MSANTD3: variants seen among roughly 807,000 people sequenced by gnomAD.
MSANTD3 encodes myb/SANT-like DNA-binding domain-containing protein 3.
A neutral mutation model predicts 27.7 loss-of-function variants in MSANTD3; 11 were observed. That is an observed-to-expected ratio of 0.40 (90% CI 0.25 to 0.66). MSANTD3 has a LOEUF of 0.66. MSANTD3 is among the 30% of genes least tolerant of loss of function. MSANTD3 has a pLI of 0.41. For synonymous variants in MSANTD3, 131 were observed against 127.2 expected (o/e 1.03, Z -0.20); for missense variants, 250 against 336.5 (o/e 0.74, Z 2.01).
chr9:100,442,342 A>G lies in MSANTD3; in HGVS notation c.404A>G (p.Asp135Gly). The G allele has an allele frequency of 1.2e-6, 2 of 1,611,824 alleles. No individual in the cohort carries two copies. Among genetic ancestry groups the G allele is most frequent in the Non-Finnish European group, 1.7e-6 (2 of 1,179,396 alleles). ...GAGGAGGAGCCCGAATACCACCCCG[A>G]CGCCTCAGCCCAAGGTATCCGTTCC... Reference protein sequence around the residue: ...PPEEEPEYHPDASAQESFAVS... With the variant: ...PPEEEPEYHPGASAQESFAVS... The change falls in exon 2 of 3, where the codon GAC (aspartate) becomes GGC (glycine). Residue 135 changes from aspartate (D) to glycine (G), a missense_variant. Physicochemically the swap from Asp to Gly is moderately conservative, Grantham distance 94 (BLOSUM62 -1). Transcript: ENST00000395067.
In MSANTD3 at chr9:100,442,424, C is replaced by A. The variant is rs544215168; in HGVS notation, c.418+68C>A. ...CTGTTTGACATTTTAATTTTAAAAC[C>A]CTCCACTTTGAGGGAACTTCTAAAA... On this transcript the variant is annotated intron_variant, in intron 2 of 2. Coordinates refer to ENST00000395067, the MANE Select transcript of MSANTD3 (RefSeq NM_080655.3). The A allele has an allele frequency of 6.6e-6, 10 of 1,513,936 alleles. No individual in the cohort carries two copies. The East Asian group carries it at 1.4e-4, about 21-fold the overall frequency. The allele number at this position is 1,513,936 out of a possible 1,614,324, so 93.8% of individuals were successfully genotyped here. A position where few individuals can be genotyped will look rare whatever the true frequency, so the allele number is the denominator to read the frequency against.
At chr9:100,433,055 G>A (rs976502116) in intron 1 of MSANTD3, among the ~76,000 whole-genome samples, 4 of 152,128 alleles carry the variant, frequency 2.6e-5, no homozygotes, top group Admixed American at 2.6e-4. Flanking sequence ...TTTTCAAATG[G>A]TACAGTCGGG....
In MSANTD3 at chr9:100,433,451, C is replaced by T. The variant is rs115076612; in HGVS notation, c.-34+6058C>T. On this transcript the variant is annotated intron_variant, in intron 1 of 2. Coordinates refer to ENST00000395067, the MANE Select transcript of MSANTD3 (RefSeq NM_080655.3). ...GTGGCATGATCATATCTCACTGCAA[C>T]CTCAACCTCCTGGGCTCAAGGGATT... 6.7e-3 allele frequency among the ~76,000 whole-genome samples: 1,017 copies of T among 152,204 alleles called. 7 individuals carry two copies. Among genetic ancestry groups the T allele is most frequent in the African/African-American group, 0.024 (985 of 41,510 alleles).
At chr9:100,444,726 A>G (rs1836711427) in intron 2 of MSANTD3, 1 of 156,148 alleles carries the variant, frequency 6.4e-6, no homozygotes, top group African/African-American at 2.4e-5. Flanking sequence ...TTGTTTCCCC[A>G]TTTTCAAATT....
chr9:100,447,757 GATGAGGTA>G (rs1836788647), intron 2 of MSANTD3, among the ~76,000 whole-genome samples: 1 of 152,210 alleles, frequency 6.6e-6, no homozygotes, highest in South Asian at 2.1e-4. Flanking sequence ...GTAAGGATTA[GATGAGGTA>G]ATGCTATAAA....
At chr9:100,447,593 A>T (rs1483394588) in intron 2 of MSANTD3, among the ~76,000 whole-genome samples, 5 of 152,182 alleles carry the variant, frequency 3.3e-5, no homozygotes, top group Non-Finnish European at 7.3e-5. Context: ...TATGCAAGTG[A>T]TCAGCTGAGC....
intron 1 of MSANTD3, among the ~76,000 whole-genome samples, chr9:100,440,228 C>G (rs958842828): frequency 6.6e-6 from 1 of 152,072 alleles, no homozygotes; most frequent in Non-Finnish European, 1.5e-5. Context: ...TGGAGTGACC[C>G]AAGGCAAGAG....
At chr9:100,433,858 A>C (rs574865867) in intron 1 of MSANTD3, among the ~76,000 whole-genome samples, 1 of 152,192 alleles carries the variant, frequency 6.6e-6, no homozygotes, top group South Asian at 2.1e-4. Context: ...GAATATGTTA[A>C]GTCTTTACCT....
At chr9:100,449,016 T>G in intron 2 of MSANTD3, 1 of 985,364 alleles carries the variant, frequency 1.0e-6, no homozygotes, top group Non-Finnish European at 1.2e-6. Flanking sequence ...CCCATGAACA[T>G]TCCCAGCATC....
rs916553978 is a variant in MSANTD3, at chr9:100,443,412, AAG to A, written c.418+1058_418+1059del. Among the ~76,000 whole-genome samples, 15 of 152,254 alleles carry A rather than the reference AAG, an allele frequency of 9.9e-5. No individual in the cohort carries two copies. In the South Asian group the frequency reaches 2.7e-3, roughly 27 times the overall value. Reference sequence around the variant, plus strand: ...AAAACTCCATCTCAAAAAAAAAAAAAAGAACTATTTCAAACTTTAAAAAAAGT... The same window carrying A: ...AAAACTCCATCTCAAAAAAAAAAAAAAACTATTTCAAACTTTAAAAAAAGT... On this transcript the variant is annotated intron_variant, in intron 2 of 2. Coordinates refer to ENST00000395067, the MANE Select transcript of MSANTD3 (RefSeq NM_080655.3).
At chr9:100,449,022 G>C (rs1836821861) in intron 2 of MSANTD3, 1 of 985,150 alleles carries the variant, frequency 1.0e-6, no homozygotes, top group Non-Finnish European at 1.2e-6. Context: ...AACATTCCCA[G>C]CATCTCATCT....
chr9:100,447,375 T>C (rs1836780682), intron 2 of MSANTD3, among the ~76,000 whole-genome samples: 1 of 152,196 alleles, frequency 6.6e-6, no homozygotes, highest in South Asian at 2.1e-4. Flanking sequence ...TGGCTTTTTT[T>C]TTCCTTTAAA....
chr9:100,451,722 A>G lies in MSANTD3; in HGVS notation c.*756A>G, dbSNP rs551652157. 2.6e-4 allele frequency: 39 copies of G among 152,188 alleles called. No homozygotes were observed. Among genetic ancestry groups the G allele is most frequent in the Admixed American group, 1.4e-3 (21 of 15,286 alleles). 9.4% of individuals were successfully genotyped at this position (152,188 alleles called of 1,614,324 possible). On this transcript the variant is annotated 3_prime_UTR_variant, in exon 3 of 3. Coordinates refer to ENST00000395067, the MANE Select transcript of MSANTD3 (RefSeq NM_080655.3). ...TATGTTGGTTTTATTAAAAAAAAAAAAAAGACTTGCAATTTTATAGTCACA... is the reference window on the plus strand; with the variant it reads ...TATGTTGGTTTTATTAAAAAAAAAAGAAAGACTTGCAATTTTATAGTCACA...
Position 100,441,896 on chromosome 9 carries a change from C to G in MSANTD3, c.-33-10C>G, listed in dbSNP as rs1287962554. 1 of 1,544,472 alleles carries G rather than the reference C, an allele frequency of 6.5e-7. No individual in the cohort carries two copies. Among genetic ancestry groups the G allele is most frequent in the African/African-American group, 1.4e-5 (1 of 72,504 alleles). On this transcript the variant is annotated splice_polypyrimidine_tract_variant and intron_variant, in intron 1 of 2. Transcript: ENST00000395067. ...AGTTGGTAATCATTGCTTCAAACTT[C>G]CTTTTACAGGATAGCTAGCGGCCAG...
intron 1 of MSANTD3, chr9:100,429,402 A>G (rs1836315535): frequency 6.6e-6 from 1 of 152,194 alleles, no homozygotes; most frequent in Non-Finnish European, 1.5e-5. Context: ...CCTGTCCGTG[A>G]TAACATTCAT....
In MSANTD3 at chr9:100,451,188, A is replaced by G. The variant is rs1836877942; in HGVS notation, c.*222A>G. On this transcript the variant is annotated 3_prime_UTR_variant, in exon 3 of 3. Coordinates refer to ENST00000395067, the MANE Select transcript of MSANTD3 (RefSeq NM_080655.3). ...TCTGAAAATTATCACTATGAGTGCT[A>G]TAATTCTGAATATAATGTCTCTTAA... The G allele has an allele frequency of 4.4e-6, 2 of 457,328 alleles. No homozygotes were observed. The highest frequency in any genetic ancestry group is 2.0e-5 in the African/African-American group (1 of 50,540). 28.3% of individuals were successfully genotyped at this position (457,328 alleles called of 1,614,324 possible). A position where few individuals can be genotyped will look rare whatever the true frequency, so the allele number is the denominator to read the frequency against.
At chr9:100,439,895 C>T (rs1329893668) in intron 1 of MSANTD3, among the ~76,000 whole-genome samples, 1 of 152,094 alleles carries the variant, frequency 6.6e-6, no homozygotes, top group Non-Finnish European at 1.5e-5. Context: ...GCCTGTTACT[C>T]TGAGAAATCA....
chr9:100,447,800 TG>T (rs1312772122), intron 2 of MSANTD3, among the ~76,000 whole-genome samples: 1 of 152,234 alleles, frequency 6.6e-6, no homozygotes, highest in African/African-American at 2.4e-5. Context: ...CCTAGTTAGC[TG>T]CTCAAAAAAC....
chr9:100,444,811 T>A (rs143268743), intron 2 of MSANTD3: 10 of 167,708 alleles, frequency 6.0e-5, no homozygotes, highest in Non-Finnish European at 1.1e-4. Context: ...TGTAATTCAT[T>A]TACTCATAAA....
Sources: allele counts gnomAD v4.1 joint callset (sites outside exome capture counted in the v4.1 genomes callset), GRCh38; gene constraint gnomAD v4.1.1; transcripts MANE v1.5; gene names NCBI Gene and HGNC (gene_info 2026-07-23, HGNC 2026-07-21).